The following COX17 variants were observed in gnomAD, a reference collection of about 807,000 sequenced individuals.
COX17 encodes the protein cytochrome c oxidase copper chaperone COX17.
In COX17, 1 loss-of-function variant was observed where a neutral mutation model predicts 6.3. The ratio of observed to expected loss-of-function variants is 0.16; its 90% CI spans 0.06 to 0.75. The LOEUF (loss-of-function observed/expected upper bound fraction) is 0.75, where lower values mean the gene tolerates loss of function less well. Among genes scored for constraint, COX17 ranks in the 30% least tolerant of loss-of-function variants. The pLI, the probability that COX17 is intolerant of heterozygous loss-of-function variation, is 0.77. For missense variants in COX17, 73 were observed against 81.2 expected (o/e 0.90, Z 0.39); for synonymous variants, 26 against 30.5 (o/e 0.85, Z 0.49).
At chr3:119,677,018 CGGGGCGGGG>C (rs1355696560) in intron 1 of COX17, 177 bp downstream of exon 1, 9,885 of 469,560 alleles carry the variant, frequency 0.021, 628 homozygotes, top group Middle Eastern at 0.051. Context: ...CGGGGCGGGG[CGGGGCGGGG>C]GGGGGGGGCA....
downstream of COX17, chr3:119,666,956 T>G (rs1411461168): frequency 6.6e-6 from 1 of 152,340 alleles, no homozygotes; most frequent in East Asian, 1.9e-4. Flanking sequence ...GGTGATTTCC[T>G]TATCCTCTCC....
In COX17 at chr3:119,677,262, TCTC is replaced by T; in HGVS notation, c.46_48del (p.Glu16del). On this transcript the variant is annotated inframe_deletion, in exon 1 of 3. Coordinates refer to ENST00000261070, the MANE Select transcript of COX17 (RefSeq NM_005694.2). ...GCGCAGCAGGGCTTCAGCGGCTTCT[TCTC>T]CTGAGACTCAGGCGGGGCAGGGTTT... 2 of 1,611,752 alleles carry T rather than the reference TCTC, an allele frequency of 1.2e-6. No homozygotes were observed. Among genetic ancestry groups the T allele is most frequent in the Non-Finnish European group, 1.7e-6 (2 of 1,179,908 alleles).
intron 2 of COX17, 47 bp downstream of exon 2, chr3:119,675,098 T>G: frequency 7.7e-7 from 1 of 1,298,538 alleles, no homozygotes; most frequent in Non-Finnish European, 1.1e-6. Context: ...AGCCCAATTG[T>G]TGCTAAATCT....
downstream of COX17, chr3:119,666,937 T>C (rs1209501712): frequency 1.3e-5 from 2 of 152,368 alleles, no homozygotes; most frequent in Middle Eastern, 3.4e-3. Flanking sequence ...TTACCAGCTA[T>C]TGGATCAGGG....
intron 2 of COX17, chr3:119,674,400 A>G (rs1422905379): frequency 2.6e-5 from 4 of 152,234 alleles, no homozygotes; most frequent in Admixed American, 1.3e-4. Flanking sequence ...ATTAAAAAAA[A>G]AATGGCCTGA....
intron 1 of COX17, 49 bp downstream of exon 1, chr3:119,677,155 G>C: frequency 6.7e-7 from 1 of 1,495,424 alleles, no homozygotes; most frequent in Non-Finnish European, 9.2e-7. Flanking sequence ...GAAGGCACAG[G>C]CCGCGGCCCG....
chr3:119,668,540 T>C (rs1435562645), downstream of COX17, among the ~76,000 whole-genome samples: 1 of 151,324 alleles, frequency 6.6e-6, no homozygotes, highest in Non-Finnish European at 1.5e-5. Context: ...GTATTACTTC[T>C]ATACCTTTTT....
rs61736422 is a variant in COX17 at position 119,677,239 on chromosome 3, G to A, written c.72C>T (p.Cys24=). Reference sequence around the variant, plus strand: ...GCGCCTTCTTGGTCTCCGGGCAAGCGCAGCAGGGCTTCAGCGGCTTCTTCT... The same window carrying A: ...GCGCCTTCTTGGTCTCCGGGCAAGCACAGCAGGGCTTCAGCGGCTTCTTCT... The part of the protein sequence containing the change: ...SQEKKPLKPC[C]ACPETKKARD... Residue 24 remains cysteine, a synonymous_variant, in exon 1 of 3, where the codon TGC becomes TGT. Coordinates refer to ENST00000261070, the MANE Select transcript of COX17 (RefSeq NM_005694.2). 98 of 1,611,986 alleles carry A rather than the reference G, an allele frequency of 6.1e-5. 1 individual carries two copies. In the African/African-American group the frequency reaches 1.1e-3, roughly 18 times the overall value.
At chr3:119,675,287 T>A (rs2053088392) in intron 1 of COX17, 54 bp from the exon 2 acceptor site, 1 of 1,266,048 alleles carries the variant, frequency 7.9e-7, no homozygotes, top group Non-Finnish European at 1.2e-6. Context: ...CATTATTAAG[T>A]ATGCATGATA....
downstream of COX17, chr3:119,665,213 T>C (rs1012196845): frequency 3.3e-5 from 5 of 152,226 alleles, no homozygotes; most frequent in Non-Finnish European, 7.3e-5. Context: ...GGGGAGCTTC[T>C]GGGAAAAAGT....
At chr3:119,664,384 C>A (rs2052975088) in intron 3 of COX17, among the ~76,000 whole-genome samples, 1 of 152,162 alleles carries the variant, frequency 6.6e-6, no homozygotes, top group Admixed American at 6.5e-5. Flanking sequence ...CACGAGAAAA[C>A]ATCACAGGGA....
downstream of COX17, chr3:119,669,360 G>A (rs1002375334): frequency 6.6e-6 from 1 of 151,866 alleles, no homozygotes; most frequent in Non-Finnish European, 1.5e-5. Flanking sequence ...AGATTTCATT[G>A]GTTGAGGTCA....
intron 1 of COX17, chr3:119,676,832 T>G: frequency 1.4e-6 from 1 of 702,592 alleles, no homozygotes; most frequent in Non-Finnish European, 2.6e-6. Flanking sequence ...CCTAACGCAG[T>G]GCTTAACCCA....
intron 2 of COX17, chr3:119,674,866 T>C (rs887906957): frequency 1.7e-5 from 6 of 347,130 alleles, no homozygotes; most frequent in Admixed American, 4.3e-5. Context: ...AGAATATGTT[T>C]CTTTTAGTTC....
intron 2 of COX17, among the ~76,000 whole-genome samples, chr3:119,673,004 G>A (rs2053060490): frequency 6.6e-6 from 1 of 152,172 alleles, no homozygotes; most frequent in African/African-American, 2.4e-5. Flanking sequence ...AAATTCCAAA[G>A]AGGCAGGAAA....
intron 3 of COX17, among the ~76,000 whole-genome samples, chr3:119,664,396 G>A (rs893068123): frequency 6.6e-6 from 1 of 152,192 alleles, no homozygotes; most frequent in Non-Finnish European, 1.5e-5. Flanking sequence ...TCACAGGGAA[G>A]GTGACTTTTA....
intron 1 of COX17, 142 bp downstream of exon 1, chr3:119,677,062 G>T (rs2053110350): frequency 4.4e-6 from 3 of 686,768 alleles, no homozygotes; most frequent in Middle Eastern, 3.8e-4. Context: ...GTGGGGGAAG[G>T]GGGGAAGGAA....
rs1172293808 is a variant in COX17, at chr3:119,675,236, A to G, written c.108-3T>C. ...GTTCTTCTCCTTTCTCGATGATACT[A>G]TAAAACAAAATGTACTTGTTATCTA... is the stretch of plus-strand genomic sequence containing the variant. On this transcript the variant is annotated splice_region_variant and splice_polypyrimidine_tract_variant and intron_variant, in intron 1 of 2. Coordinates refer to ENST00000261070, the MANE Select transcript of COX17 (RefSeq NM_005694.2). 2 of 1,599,552 alleles carry G rather than the reference A, an allele frequency of 1.3e-6. No individual in the cohort carries two copies. Among genetic ancestry groups the G allele is most frequent in the Admixed American group, 1.7e-5 (1 of 60,004 alleles).
At chr3:119,671,941 T>C (rs914445440) in intron 2 of COX17, among the ~76,000 whole-genome samples, 1 of 152,170 alleles carries the variant, frequency 6.6e-6, no homozygotes, top group Non-Finnish European at 1.5e-5. Context: ...ATTATTACAC[T>C]GAAAATGAAA....
Sources: allele counts gnomAD v4.1 joint callset (sites outside exome capture counted in the v4.1 genomes callset), GRCh38; gene constraint gnomAD v4.1.1; transcripts MANE v1.5; gene names NCBI Gene and HGNC (gene_info 2026-07-23, HGNC 2026-07-21).